The following SV2C variants were observed in gnomAD, a reference collection of about 807,000 sequenced individuals.
SV2C encodes synaptic vesicle glycoprotein 2C.
In SV2C, 49 loss-of-function variants were observed where a neutral mutation model predicts 79.7. The observed-to-expected ratio is 0.61, with a 90% CI of 0.49 to 0.78. SV2C has a LOEUF of 0.78. Ranked by LOEUF, SV2C falls within the 30% of genes least tolerant of loss-of-function variation. The pLI is 0.00. For synonymous variants in SV2C, 334 were observed against 333.2 expected, an observed-to-expected ratio of 1.00 and a Z score of -0.03; for missense variants, 833 against 912.9, an observed-to-expected ratio of 0.91 and a Z score of 1.13.
chr5:75,928,012 T>G, the SV2C span, among the ~76,000 whole-genome samples: 87 of 152,336 alleles, frequency 5.7e-4, no homozygotes, highest in African/African-American at 1.9e-3. Flanking sequence ...GACATAGTAT[T>G]GGATTCTTTT....
chr5:76,007,326 G>A, the SV2C span, among the ~76,000 whole-genome samples: 1 of 151,976 alleles, frequency 6.6e-6, no homozygotes, highest in Non-Finnish European at 1.5e-5. Context: ...AATAATCATG[G>A]CATTTGAACG....
chr5:75,916,525 A>T, the SV2C span, among the ~76,000 whole-genome samples: 1 of 151,638 alleles, frequency 6.6e-6, no homozygotes, highest in Non-Finnish European at 1.5e-5. Flanking sequence ...CTCAGTCTGG[A>T]GTACAGTGGC....
chr5:76,321,667 G>A (rs1160007306), intron 12 of SV2C, among the ~76,000 whole-genome samples: 1 of 151,116 alleles, frequency 6.6e-6, no homozygotes, highest in Non-Finnish European at 1.5e-5. Flanking sequence ...CTTGAGCCCA[G>A]TAGATCGAGG....
chr5:76,234,756 G>T (rs1417800025), intron 4 of SV2C, among the ~76,000 whole-genome samples: 6 of 152,190 alleles, frequency 3.9e-5, no homozygotes, highest in African/African-American at 1.4e-4. Context: ...GCAGACTTCA[G>T]TGAAAAACTG....
At chr5:76,206,670 G>A (rs150980251) in intron 3 of SV2C, among the ~76,000 whole-genome samples, 2,774 of 152,276 alleles carry the variant, frequency 0.018, 42 homozygotes, top group Middle Eastern at 0.061. Context: ...TAAACACTTA[G>A]CACATGTCCA....
chr5:75,864,281 T>C, the SV2C span, among the ~76,000 whole-genome samples: 88 of 152,146 alleles, frequency 5.8e-4, no homozygotes, highest in African/African-American at 2.0e-3. Context: ...AGTTCTATGC[T>C]TTTCCAAACC....
the SV2C span, among the ~76,000 whole-genome samples, chr5:76,012,864 C>A: frequency 2.6e-5 from 4 of 152,144 alleles, no homozygotes. Flanking sequence ...AATAGGGAAT[C>A]ATTTCCCCAT....
intron 1 of SV2C, among the ~76,000 whole-genome samples, chr5:76,113,086 G>A (rs2112143650): frequency 6.6e-6 from 1 of 152,300 alleles, no homozygotes; most frequent in Non-Finnish European, 1.5e-5. Context: ...CTCAGTACGT[G>A]TTTGTGTTTT....
At chr5:75,942,140 T>C in the SV2C span, among the ~76,000 whole-genome samples, 1 of 152,248 alleles carries the variant, frequency 6.6e-6, no homozygotes, top group Admixed American at 6.5e-5. Context: ...CTTATCCATG[T>C]GCTGGGAGGG....
chr5:76,218,941 C>T (rs1744984949), intron 4 of SV2C, among the ~76,000 whole-genome samples: 1 of 41,666 alleles, frequency 2.4e-5, no homozygotes, highest in Non-Finnish European at 5.1e-5. Context: ...TTTACCTTTT[C>T]CTAACCATGT....
intron 12 of SV2C, among the ~76,000 whole-genome samples, chr5:76,340,923 A>AT (rs1561326417): frequency 8.1e-5 from 9 of 110,922 alleles, no homozygotes; most frequent in African/African-American, 1.8e-4. Flanking sequence ...AGTTTTACAA[A>AT]ATTTTTTTTT....
At chr5:75,852,253 T>C in the SV2C span, among the ~76,000 whole-genome samples, 3 of 152,154 alleles carry the variant, frequency 2.0e-5, no homozygotes, top group African/African-American at 7.2e-5. Context: ...CTATGGCACG[T>C]GTATACCTAT....
At chr5:75,877,499 G>A in the SV2C span, among the ~76,000 whole-genome samples, 2 of 151,812 alleles carry the variant, frequency 1.3e-5, no homozygotes, top group African/African-American at 4.8e-5. Context: ...TCCAGGATAT[G>A]CCATATGTTG....
chr5:75,985,472 G>A, the SV2C span, among the ~76,000 whole-genome samples: 29,163 of 151,828 alleles, frequency 0.19, 3,718 homozygotes, highest in East Asian at 0.59. Context: ...CCCAAAGCCT[G>A]TGCTCTCTCC....
the SV2C span, among the ~76,000 whole-genome samples, chr5:75,946,664 G>T: frequency 6.6e-6 from 1 of 151,994 alleles, no homozygotes; most frequent in African/African-American, 2.4e-5. Flanking sequence ...AGCAAAACAA[G>T]GTAGACTCGA....
At chr5:75,934,082 C>CT in the SV2C span, among the ~76,000 whole-genome samples, 2 of 152,150 alleles carry the variant, frequency 1.3e-5, no homozygotes, top group Non-Finnish European at 2.9e-5. Context: ...GAATTTACTA[C>CT]TACCATCTCC....
the SV2C span, among the ~76,000 whole-genome samples, chr5:75,973,840 A>G: frequency 6.6e-6 from 1 of 152,062 alleles, no homozygotes; most frequent in Non-Finnish European, 1.5e-5. Context: ...TGGTAACTAT[A>G]GGTAAACTAA....
chr5:76,258,864 A>T (rs923154732), intron 4 of SV2C, among the ~76,000 whole-genome samples: 1 of 152,184 alleles, frequency 6.6e-6, no homozygotes, highest in African/African-American at 2.4e-5. Context: ...TTTGTCACTG[A>T]AGATTAGTTC....
intron 4 of SV2C, among the ~76,000 whole-genome samples, chr5:76,210,512 G>A (rs552687891): frequency 6.6e-6 from 1 of 152,334 alleles, no homozygotes; most frequent in African/African-American, 2.4e-5. Flanking sequence ...AGGTATGTGG[G>A]AAGAGGTGAG....
Sources: allele counts gnomAD v4.1 joint callset (sites outside exome capture counted in the v4.1 genomes callset), GRCh38; gene constraint gnomAD v4.1.1; transcripts MANE v1.5; gene names NCBI Gene and HGNC (gene_info 2026-07-23, HGNC 2026-07-21).